Variants in VPS13A observed in about 807,000 individuals in gnomAD.
The protein encoded by VPS13A is vacuolar protein sorting 13 homolog A.
In VPS13A, 264 loss-of-function variants were observed where a neutral mutation model predicts 390.9. The observed-to-expected ratio is 0.68, with a 90% CI of 0.61 to 0.75. VPS13A has a LOEUF of 0.75. VPS13A is among the 30% of genes least tolerant of loss of function. VPS13A has a pLI of 0.00. For synonymous variants in VPS13A, 1,231 were observed against 1,227.1 expected (o/e 1.00, Z -0.07); for missense variants, 3,409 against 3,733.9 (o/e 0.91, Z 2.27).
rs746506308 is a variant in VPS13A at position 77,370,491 on chromosome 9, C to G, written c.8820C>G (p.Asp2940Glu). ...TAGCAGCTATGACCATGGATGAAGACTACCAACAGAAGAGAAGAGAAGCCA... is the reference window on the plus strand; with the variant it reads ...TAGCAGCTATGACCATGGATGAAGAGTACCAACAGAAGAGAAGAGAAGCCA... ...KGVAAMTMDE[D>E]YQQKRREAMN... Residue 2940 changes from aspartate to glutamate, a missense_variant, in exon 65 of 72, where the codon GAC (aspartate) becomes GAG (glutamate). This residue lies in a region of VPS13A where 318 missense variants were observed against 333.7 expected (regional missense o/e 0.95). Transcript: ENST00000360280. 42 of 1,614,024 alleles carry G rather than the reference C, an allele frequency of 2.6e-5. No individual in the cohort carries two copies. Among genetic ancestry groups the G allele is most frequent in the Admixed American group, 1.8e-4 (11 of 59,996 alleles).
chr9:77,263,129 C>T (rs770278782), intron 23 of VPS13A, among the ~76,000 whole-genome samples: 16 of 142,424 alleles, frequency 1.1e-4, no homozygotes, highest in Admixed American at 1.5e-4. Context: ...TTTTTTGAGA[C>T]GGAGTCTCGC....
At chr9:77,327,197 T>A (rs879273815) in intron 45 of VPS13A, among the ~76,000 whole-genome samples, 1 of 152,208 alleles carries the variant, frequency 6.6e-6, no homozygotes, top group African/African-American at 2.4e-5. Context: ...TTTTTCTTCC[T>A]GCTTTTTAGT....
chr9:77,315,545 T>A (rs1829335356), intron 38 of VPS13A, 75 bp downstream of exon 38: 12 of 1,366,872 alleles, frequency 8.8e-6, no homozygotes, highest in Non-Finnish European at 1.1e-5. Context: ...GATTAGCCTT[T>A]TAGATCATCA....
At chr9:77,317,166 A>T (rs571995154) in intron 39 of VPS13A, among the ~76,000 whole-genome samples, 3 of 152,186 alleles carry the variant, frequency 2.0e-5, no homozygotes, top group African/African-American at 7.2e-5. Flanking sequence ...AGGATATAAG[A>T]TAAACTGTTG....
chr9:77,353,705 T>C (rs1393562848), intron 54 of VPS13A, 64 bp downstream of exon 54: 2 of 1,411,146 alleles, frequency 1.4e-6, no homozygotes, highest in Non-Finnish European at 2.0e-6. Context: ...GAAATTGTTA[T>C]TGTAAAATCT....
At chr9:77,359,446 AT>A (rs763070069) in intron 58 of VPS13A, 44 bp downstream of exon 58, 1 of 1,448,426 alleles carries the variant, frequency 6.9e-7, no homozygotes, top group South Asian at 1.2e-5. Context: ...TTAATGTTTG[AT>A]TTAAATATAT....
At chr9:77,224,289 T>C (rs1457976749) in intron 13 of VPS13A, among the ~76,000 whole-genome samples, 1 of 152,168 alleles carries the variant, frequency 6.6e-6, no homozygotes, top group Non-Finnish European at 1.5e-5. Context: ...CTTTCAAGTC[T>C]TATTATTTAA....
At chr9:77,187,608 T>TAC (rs34649735) in intron 1 of VPS13A, among the ~76,000 whole-genome samples, 7,895 of 148,046 alleles carry the variant, frequency 0.053, 525 homozygotes, top group African/African-American at 0.16. Context: ...CATACAAACA[T>TAC]ACACACACAC....
rs754135998 is a variant in VPS13A at position 77,276,178 on chromosome 9, T to A, written c.2781T>A (p.Asn927Lys). The A allele has an allele frequency of 1.2e-6, 2 of 1,610,054 alleles. No homozygotes were observed. Among genetic ancestry groups the A allele is most frequent in the South Asian group, 2.2e-5 (2 of 89,794 alleles). The change falls in exon 26 of 72, where the codon AAT (asparagine) becomes AAA (lysine). Residue 927 changes from asparagine to lysine, a missense_variant. Transcript: ENST00000360280. The part of the protein sequence containing the change: ...IEIRTYDLKA[N>K]AFLKEFCLKC... Reference sequence around the variant, plus strand: ...TTAGAACATACGATTTGAAAGCAAATGCCTTTTTGAAAGAGTTCTGCTTAA... The same window carrying A: ...TTAGAACATACGATTTGAAAGCAAAAGCCTTTTTGAAAGAGTTCTGCTTAA...
At chr9:77,240,479 T>TG (rs1824417573) in intron 19 of VPS13A, among the ~76,000 whole-genome samples, 1 of 21,152 alleles carries the variant, frequency 4.7e-5, no homozygotes, top group Non-Finnish European at 9.3e-5. Context: ...TATGTTTTTG[T>TG]TTTTTTTTTT....
chr9:77,210,979 C>T (rs1490726185), intron 7 of VPS13A, among the ~76,000 whole-genome samples: 1 of 152,116 alleles, frequency 6.6e-6, no homozygotes, highest in Non-Finnish European at 1.5e-5. Flanking sequence ...AATAAATGTT[C>T]ATATCTGAAA....
Position 77,283,432 on chromosome 9 carries a change from C to G in VPS13A, c.3196C>G (p.Gln1066Glu). 1 of 1,604,796 alleles carries G rather than the reference C, an allele frequency of 6.2e-7. No individual in the cohort carries two copies. Among genetic ancestry groups the G allele is most frequent in the African/African-American group, 1.3e-5 (1 of 74,694 alleles). Residue 1066 changes from glutamine (Q) to glutamate (E), a missense_variant, in exon 30 of 72, where the codon CAA becomes GAA. Gln to Glu is a conservative substitution (Grantham distance 29). Around this residue, in one of 5 missense-constraint regions of VPS13A, gnomAD observed 2,717 missense variants for 2,917.4 expected, o/e 0.93. Transcript: ENST00000360280. ...AELSCLQIFI[Q>E]DQKCNISEIK... ...ATTATCGTGTTTACAGATCTTTATT[C>G]AAGATCAGAAATGTAACATTTCTGA...
chr9:77,252,343 G>A lies in VPS13A; in HGVS notation c.2279G>A (p.Arg760Lys). 6.2e-7 allele frequency: 1 copy of A among 1,611,600 alleles called. No homozygotes were observed. Among genetic ancestry groups the A allele is most frequent in the Non-Finnish European group, 8.5e-7 (1 of 1,177,768 alleles). The stretch of plus-strand genomic sequence containing the variant: ...AAGGCCATGGTTTTCATGGATGTAA[G>A]GATGCCCAAGTATGTACTGTTTGTT... ...LSKAMVFMDV[R>K]MPKFKIYGKL... Residue 760 changes from arginine (R) to lysine (K), a missense_variant, in exon 22 of 72, where the codon AGG becomes AAG. By Grantham distance (26) the Arg-to-Lys change is conservative. Transcript: ENST00000360280.
chr9:77,347,551 A>G (rs1831221847), intron 52 of VPS13A, among the ~76,000 whole-genome samples: 1 of 152,104 alleles, frequency 6.6e-6, no homozygotes, highest in African/African-American at 2.4e-5. Context: ...ATCCAGGCTC[A>G]CTGCAGCCTC....
In VPS13A at chr9:77,374,706, A is replaced by G. The variant is rs139110839; in HGVS notation, c.9077+3557A>G. 6.9e-3 allele frequency among the ~76,000 whole-genome samples: 1,050 copies of G among 152,316 alleles called. 6 individuals carry two copies. Among genetic ancestry groups the G allele is most frequent in the South Asian group, 0.01 (49 of 4,830 alleles). ...CTCTTCCTTTATGCAGGTAATTTTA[A>G]TACACATTGTTTTTTACTCCAAATG... On this transcript the variant is annotated intron_variant, in intron 67 of 71. Transcript: ENST00000360280.
chr9:77,337,742 C>A, intron 47 of VPS13A: 2 of 540,654 alleles, frequency 3.7e-6, no homozygotes, highest in Non-Finnish European at 6.4e-6. Context: ...GACAAAAAAG[C>A]ATGCTACATT....
chr9:77,191,587 C>A (rs1364950364), intron 1 of VPS13A, among the ~76,000 whole-genome samples: 3 of 152,118 alleles, frequency 2.0e-5, no homozygotes, highest in African/African-American at 7.2e-5. Context: ...GCATGAGCCA[C>A]CGTGCCTGGC....
intron 34 of VPS13A, among the ~76,000 whole-genome samples, chr9:77,303,703 A>G (rs978958625): frequency 2.6e-5 from 4 of 152,148 alleles, no homozygotes; most frequent in Non-Finnish European, 4.4e-5. Flanking sequence ...AAAAGAATCT[A>G]TGTCATAATT....
intron 1 of VPS13A, among the ~76,000 whole-genome samples, chr9:77,187,599 A>G (rs1231162205): frequency 1.5e-5 from 2 of 129,328 alleles, no homozygotes; most frequent in Non-Finnish European, 3.1e-5. Flanking sequence ...AAGAGTTTAC[A>G]TACAAACATA....
Sources: gnomAD v4.1 joint callset for allele counts (sites outside exome capture counted in the v4.1 genomes callset) on GRCh38, gnomAD v4.1.1 for gene constraint, gnomAD v4.1.1 regional missense constraint, MANE v1.5 for transcripts, NCBI Gene and HGNC (gene_info 2026-07-23, HGNC 2026-07-21) for gene names.